STXBP6: variants seen among roughly 807,000 people sequenced by gnomAD.
STXBP6 encodes the protein syntaxin-binding protein 6.
A neutral mutation model predicts 26.9 loss-of-function variants in STXBP6; 21 were observed. The observed-to-expected ratio is 0.78, with a 90% confidence interval of 0.55 to 1.12. STXBP6 has a LOEUF of 1.12. Among genes scored for constraint, STXBP6 ranks in the 50% most tolerant of loss-of-function variants. The pLI is 0.00. For synonymous variants in STXBP6, 97 were observed against 92.6 expected, an observed-to-expected ratio of 1.05 and a Z score of -0.27; for missense variants, 232 against 257.9, an observed-to-expected ratio of 0.90 and a Z score of 0.69.
chr14:24,819,377 G>T, intron 4 of STXBP6, 183 bp from the exon 5 acceptor site: 1 of 678,920 alleles, frequency 1.5e-6, no homozygotes, highest in Non-Finnish European at 2.6e-6. Context: ...CTTGCAGCAA[G>T]AACACCCACT....
At chr14:24,997,889 G>C (rs2074647415) in intron 1 of STXBP6, among the ~76,000 whole-genome samples, 1 of 151,986 alleles carries the variant, frequency 6.6e-6, no homozygotes, top group African/African-American at 2.4e-5. Flanking sequence ...TAAAAAGAGA[G>C]AACATATCCT....
intron 4 of STXBP6, among the ~76,000 whole-genome samples, chr14:24,824,927 C>T (rs1218969947): frequency 3.9e-5 from 6 of 152,188 alleles, no homozygotes; most frequent in African/African-American, 7.2e-5. Flanking sequence ...GGATTAGCCG[C>T]GAATTGACTC....
intron 2 of STXBP6, among the ~76,000 whole-genome samples, chr14:24,948,902 T>C (rs764111612): frequency 6.6e-6 from 1 of 152,204 alleles, no homozygotes; most frequent in African/African-American, 2.4e-5. Context: ...AGAAACCTAT[T>C]ACACAGCATA....
intron 5 of STXBP6, chr14:24,816,667 A>T (rs1465817131): frequency 6.6e-6 from 1 of 151,918 alleles, no homozygotes; most frequent in Non-Finnish European, 1.5e-5. Flanking sequence ...CAAGCCAGAG[A>T]CCCCTTTGCC....
intron 1 of STXBP6, among the ~76,000 whole-genome samples, chr14:24,982,555 G>A (rs2074225570): frequency 6.6e-6 from 1 of 152,208 alleles, no homozygotes; most frequent in Non-Finnish European, 1.5e-5. Context: ...AGGAAACGAG[G>A]AATTGCTTTT....
intron 2 of STXBP6, among the ~76,000 whole-genome samples, chr14:24,859,018 G>A (rs911040219): frequency 6.6e-6 from 1 of 152,068 alleles, no homozygotes; most frequent in Non-Finnish European, 1.5e-5. Context: ...TGGTCCATTT[G>A]CTTCCAAGTA....
At chr14:24,919,204 T>G (rs2071885688) in intron 2 of STXBP6, among the ~76,000 whole-genome samples, 1 of 152,002 alleles carries the variant, frequency 6.6e-6, no homozygotes, top group African/African-American at 2.4e-5. Flanking sequence ...ATCAAGTATT[T>G]TCGGGGCAAT....
At position 24,901,353 on chromosome 14, in the gene STXBP6, C is replaced by A. The variant is rs527420454; in HGVS notation, c.155-44196G>T. 1.0e-3 allele frequency among the ~76,000 whole-genome samples: 154 copies of A among 151,870 alleles called. 3 individuals carry two copies. Among genetic ancestry groups the A allele is most frequent in the African/African-American group, 3.7e-3 (152 of 41,464 alleles). ...CATACCCACTAGCATGGCTCCCCCC[C>A]AAAAAAAGACTGGCTATATTAAGTG... is the stretch of plus-strand genomic sequence containing the variant. On this transcript the variant is annotated intron_variant, in intron 2 of 5. Coordinates refer to ENST00000323944, the MANE Select transcript of STXBP6 (RefSeq NM_001394410.1).
At position 24,812,614 on chromosome 14, in the gene STXBP6, A is replaced by G; in HGVS notation, c.*95T>C. The G allele has an allele frequency of 7.9e-7, 1 of 1,271,838 alleles. No individual in the cohort carries two copies. The highest frequency in any genetic ancestry group is 2.3e-5 in the East Asian group (1 of 42,644). The allele number at this position is 1,271,838 out of a possible 1,614,324, so 78.8% of individuals were successfully genotyped here. A position where few individuals can be genotyped will look rare whatever the true frequency, so the allele number is the denominator to read the frequency against. ...CCACTCTAAGTGTCCAAATATTGGA[A>G]AAAAAGAAGCAAGCGGAGGTCCCGA... is the stretch of plus-strand genomic sequence containing the variant. On this transcript the variant is annotated 3_prime_UTR_variant, in exon 6 of 6. Coordinates refer to ENST00000323944, the MANE Select transcript of STXBP6 (RefSeq NM_001394410.1).
intron 1 of STXBP6, among the ~76,000 whole-genome samples, chr14:24,995,760 T>C (rs2074585435): frequency 6.6e-6 from 1 of 152,108 alleles, no homozygotes; most frequent in South Asian, 2.1e-4. Context: ...CTTAGAAACA[T>C]AGTAACTAAA....
chr14:24,909,081 GAC>G (rs1455469649), intron 2 of STXBP6, among the ~76,000 whole-genome samples: 6 of 152,212 alleles, frequency 3.9e-5, no homozygotes, highest in African/African-American at 1.2e-4. Context: ...CAGGAAAGAA[GAC>G]ACAGAGTCAC....
intron 1 of STXBP6, among the ~76,000 whole-genome samples, chr14:25,029,336 C>T (rs2075407463): frequency 6.6e-6 from 1 of 152,132 alleles, no homozygotes; most frequent in Non-Finnish European, 1.5e-5. Context: ...CAGCAGTCAT[C>T]CACGTTGAGG....
intron 2 of STXBP6, among the ~76,000 whole-genome samples, chr14:24,972,414 A>G (rs573897051): frequency 2.6e-5 from 4 of 152,324 alleles, no homozygotes; most frequent in African/African-American, 9.6e-5. Context: ...CATGATCAAA[A>G]TTAGGCAGAC....
chr14:24,966,055 G>A (rs1457283503), intron 2 of STXBP6, among the ~76,000 whole-genome samples: 1 of 152,126 alleles, frequency 6.6e-6, no homozygotes, highest in South Asian at 2.1e-4. Flanking sequence ...TAATCAAAAC[G>A]AACATAAGTG....
At chr14:24,856,669 T>C (rs2069343166) in intron 3 of STXBP6, among the ~76,000 whole-genome samples, 2 of 151,986 alleles carry the variant, frequency 1.3e-5, no homozygotes, top group Non-Finnish European at 1.5e-5. Flanking sequence ...TAAATACACC[T>C]TGTCATTAGT....
At position 24,974,743 on chromosome 14, in the gene STXBP6, T is replaced by G; in HGVS notation, c.76A>C (p.Lys26Gln). 6.3e-7 allele frequency: 1 copy of G among 1,599,874 alleles called. No individual in the cohort carries two copies. Among genetic ancestry groups the G allele is most frequent in the East Asian group, 2.2e-5 (1 of 44,744 alleles). The part of the protein sequence containing the change: ...DERMLGAVQV[K>Q]RRTKKKIPFL... ...GGAATCTTTTTCTTTGTCCTCCTCTTGACTTGGACAGCTCCCAGCATCCTT... is the reference window on the plus strand; with the variant it reads ...GGAATCTTTTTCTTTGTCCTCCTCTGGACTTGGACAGCTCCCAGCATCCTT... Residue 26 changes from lysine to glutamine, a missense_variant, in exon 2 of 6, where the codon AAG (lysine) becomes CAG (glutamine). Lys to Gln is a moderately conservative substitution (Grantham distance 53). Coordinates refer to ENST00000323944, the MANE Select transcript of STXBP6 (RefSeq NM_001394410.1).
At chr14:24,825,171 T>C (rs575748078) in intron 4 of STXBP6, among the ~76,000 whole-genome samples, 4 of 152,326 alleles carry the variant, frequency 2.6e-5, no homozygotes, top group Non-Finnish European at 4.4e-5. Context: ...TATTTACTTA[T>C]AGGGCTTTTT....
intron 2 of STXBP6, among the ~76,000 whole-genome samples, chr14:24,945,453 C>T (rs2072954629): frequency 6.6e-6 from 1 of 151,704 alleles, no homozygotes; most frequent in African/African-American, 2.4e-5. Context: ...ACCTGTAGTC[C>T]CAGCTACTCA....
intron 2 of STXBP6, among the ~76,000 whole-genome samples, chr14:24,941,039 C>T (rs2072785618): frequency 6.6e-6 from 1 of 151,974 alleles, no homozygotes; most frequent in Non-Finnish European, 1.5e-5. Flanking sequence ...AACAAACAAA[C>T]AAAAACAAGC....
Sources: gnomAD v4.1 joint callset for allele counts (sites outside exome capture counted in the v4.1 genomes callset) on GRCh38, gnomAD v4.1.1 for gene constraint, MANE v1.5 for transcripts, NCBI Gene and HGNC (gene_info 2026-07-23, HGNC 2026-07-21) for gene names.